CREB1: variants seen among roughly 807,000 people sequenced by gnomAD.
CREB1 encodes the protein cyclic AMP-responsive element-binding protein 1.
A neutral mutation model predicts 42.0 loss-of-function variants in CREB1; 2 were observed. That is an observed-to-expected ratio of 0.05 (90% CI 0.02 to 0.15). The LOEUF (loss-of-function observed/expected upper bound fraction) is 0.15, where lower values mean the gene tolerates loss of function less well. CREB1 is among the 10% of genes least tolerant of loss of function. CREB1 has a pLI of 1.00. For synonymous variants in CREB1, 123 were observed against 139.9 expected, an observed-to-expected ratio of 0.88 and a Z score of 0.85; for missense variants, 199 against 388.9, an observed-to-expected ratio of 0.51 and a Z score of 4.11.
intron 7 of CREB1, among the ~76,000 whole-genome samples, chr2:207,594,569 A>G (rs2085745579): frequency 6.6e-6 from 1 of 152,212 alleles, no homozygotes; most frequent in Admixed American, 6.5e-5. Context: ...GCTGAATAAT[A>G]TTAATATTAC....
chr2:207,535,519 A>C (rs1009220739), intron 1 of CREB1, among the ~76,000 whole-genome samples: 4 of 152,000 alleles, frequency 2.6e-5, no homozygotes, highest in Non-Finnish European at 2.9e-5. Context: ...TATTTTTTAC[A>C]TACTTGTTAA....
At chr2:207,543,181 G>A (rs999782641) in intron 1 of CREB1, among the ~76,000 whole-genome samples, 2 of 152,164 alleles carry the variant, frequency 1.3e-5, no homozygotes, top group South Asian at 4.1e-4. Context: ...ATAGGAGTCA[G>A]CATGCAGCAA....
chr2:207,574,102 A>G (rs1348382638), intron 5 of CREB1, among the ~76,000 whole-genome samples: 2 of 152,244 alleles, frequency 1.3e-5, no homozygotes, highest in African/African-American at 2.4e-5. Flanking sequence ...ATCACACTGT[A>G]GCCATTAACT....
chr2:207,581,657 T>A, intron 7 of CREB1: 1 of 454,608 alleles, frequency 2.2e-6, no homozygotes. Flanking sequence ...AAATACAGAG[T>A]TCCGGATACC....
chr2:207,545,227 C>T (rs1408475951), intron 1 of CREB1, among the ~76,000 whole-genome samples: 2 of 151,996 alleles, frequency 1.3e-5, no homozygotes, highest in Non-Finnish European at 2.9e-5. Flanking sequence ...TTGTTTTGTT[C>T]GAGACAGTCT....
rs771728777 is a variant in CREB1 at position 207,601,872 on chromosome 2, C to G, written c.*4814C>G. The G allele has an allele frequency of 4.6e-5, 10 of 215,858 alleles. No individual in the cohort carries two copies. The highest frequency in any genetic ancestry group is 5.8e-5 in the Admixed American group (1 of 17,140). The allele number at this position is 215,858 out of a possible 1,614,324, so 13.4% of individuals were successfully genotyped here. A position where few individuals can be genotyped will look rare whatever the true frequency, so the allele number is the denominator to read the frequency against. On this transcript the variant is annotated 3_prime_UTR_variant, in exon 8 of 8. Transcript: ENST00000353267. Reference sequence around the variant, plus strand: ...CTAGAACTTTTTGTTGGGAGGCTTACATACATCTTGAATATTCTTAATGTA... The same window carrying G: ...CTAGAACTTTTTGTTGGGAGGCTTAGATACATCTTGAATATTCTTAATGTA...
Position 207,605,831 on chromosome 2 carries a change from T to C in CREB1, c.*8773T>C, listed in dbSNP as rs1191652369. 1.3e-5 allele frequency among the ~76,000 whole-genome samples: 2 copies of C among 152,248 alleles called. No homozygotes were observed. Among genetic ancestry groups the C allele is most frequent in the Non-Finnish European group, 2.9e-5 (2 of 68,038 alleles). ...CAGGATACTGAGAAGTAAAAGTTAT[T>C]TCTGAATTATGGTTTTCTTCATATT... On this transcript the variant is annotated 3_prime_UTR_variant, in exon 8 of 8. Coordinates refer to ENST00000353267, the MANE Select transcript of CREB1 (RefSeq NM_004379.5).
chr2:207,581,160 C>G (rs1244885095), intron 7 of CREB1, among the ~76,000 whole-genome samples: 1 of 152,002 alleles, frequency 6.6e-6, no homozygotes, highest in Non-Finnish European at 1.5e-5. Flanking sequence ...ACTATAAACC[C>G]CCTATTTAGG....
At chr2:207,583,235 T>C (rs1489920208) in intron 7 of CREB1, among the ~76,000 whole-genome samples, 1 of 152,132 alleles carries the variant, frequency 6.6e-6, no homozygotes, top group Non-Finnish European at 1.5e-5. Context: ...TTGATACTCA[T>C]GAGAGTTCCT....
In CREB1 at chr2:207,602,084, TATG is replaced by T. The variant is rs1279046218; in HGVS notation, c.*5029_*5031del. On this transcript the variant is annotated 3_prime_UTR_variant, in exon 8 of 8. Transcript: ENST00000353267. Reference sequence around the variant, plus strand: ...TGAAGTTCCATCTGTCTCATCTGCTTATGATAAGTTCTTATTGATTAGTGAATG... The same window carrying T: ...TGAAGTTCCATCTGTCTCATCTGCTTATAAGTTCTTATTGATTAGTGAATG... 51 of 205,434 alleles carry T rather than the reference TATG, an allele frequency of 2.5e-4. No homozygotes were observed. Among genetic ancestry groups the T allele is most frequent in the South Asian group, 1.1e-3 (6 of 5,240 alleles). The allele number at this position is 205,434 out of a possible 1,614,324, so 12.7% of individuals were successfully genotyped here.
chr2:207,572,241 AAAG>A (rs1258966688), intron 5 of CREB1, among the ~76,000 whole-genome samples: 18 of 150,002 alleles, frequency 1.2e-4, no homozygotes, highest in African/African-American at 4.3e-4. Context: ...AAAAAAAAAA[AAAG>A]AGAGATTAAT....
At chr2:207,545,453 C>G (rs1463768696) in intron 1 of CREB1, among the ~76,000 whole-genome samples, 1 of 152,150 alleles carries the variant, frequency 6.6e-6, no homozygotes, top group Non-Finnish European at 1.5e-5. Context: ...GTGATCCACC[C>G]GCCTTGGCCT....
rs1298019365 is a variant in CREB1 at position 207,600,030 on chromosome 2, T to C, written c.*2972T>C. 3.7e-5 allele frequency: 7 copies of C among 188,110 alleles called. No individual in the cohort carries two copies. Among genetic ancestry groups the C allele is most frequent in the Non-Finnish European group, 7.8e-5 (7 of 89,704 alleles). The allele number at this position is 188,110 out of a possible 1,614,324, so 11.7% of individuals were successfully genotyped here. On this transcript the variant is annotated 3_prime_UTR_variant, in exon 8 of 8. Transcript: ENST00000353267. ...ATTTTTGATATATTACTCTTATGAG[T>C]TTTCAAGCTTTGATAATGTTTAACT...
intron 3 of CREB1, among the ~76,000 whole-genome samples, chr2:207,566,283 A>G (rs1355893449): frequency 1.3e-5 from 2 of 152,202 alleles, no homozygotes; most frequent in Non-Finnish European, 2.9e-5. Flanking sequence ...TTTCTCAAGT[A>G]CTTCTGAATA....
At chr2:207,548,191 A>G (rs2081368735) in intron 1 of CREB1, among the ~76,000 whole-genome samples, 7 of 152,128 alleles carry the variant, frequency 4.6e-5, no homozygotes, top group Admixed American at 4.6e-4. Flanking sequence ...GGCCTCCCAA[A>G]GCGCAGGGAT....
At chr2:207,561,949 G>A (rs1163454510) in intron 3 of CREB1, among the ~76,000 whole-genome samples, 1 of 152,146 alleles carries the variant, frequency 6.6e-6, no homozygotes, top group Non-Finnish European at 1.5e-5. Flanking sequence ...GGGAGGAGAA[G>A]TAATGTTTTT....
intron 6 of CREB1, among the ~76,000 whole-genome samples, chr2:207,576,241 C>CTTTTTTTTTTTT (rs35735523): frequency 1.2e-4 from 12 of 101,070 alleles, no homozygotes; most frequent in Non-Finnish European, 1.7e-4. Flanking sequence ...CTTTTTTTGG[C>CTTTTTTTTTTTT]TTTTTTTTTT....
At chr2:207,567,191 C>T (rs2082170810) in intron 3 of CREB1, among the ~76,000 whole-genome samples, 2 of 151,924 alleles carry the variant, frequency 1.3e-5, no homozygotes, top group South Asian at 4.1e-4. Context: ...TAAGAAAAAA[C>T]TGATAAGTAA....
chr2:207,572,436 G>T (rs1308520891), intron 5 of CREB1, among the ~76,000 whole-genome samples: 1 of 152,030 alleles, frequency 6.6e-6, no homozygotes, highest in Non-Finnish European at 1.5e-5. Context: ...TGAACATATG[G>T]TTGTCAGAAT....
Sources: allele counts gnomAD v4.1 joint callset (sites outside exome capture counted in the v4.1 genomes callset), GRCh38; gene constraint gnomAD v4.1.1; transcripts MANE v1.5; gene names NCBI Gene and HGNC (gene_info 2026-07-23, HGNC 2026-07-21).